Variants in RAB3GAP2 observed in about 807,000 individuals in gnomAD.
The protein encoded by RAB3GAP2 is rab3 GTPase-activating protein non-catalytic subunit.
A neutral mutation model predicts 185.3 loss-of-function variants in RAB3GAP2; 87 were observed. The observed-to-expected ratio is 0.47, with a 90% CI of 0.39 to 0.56. RAB3GAP2 has a LOEUF of 0.56. RAB3GAP2 is among the 20% of genes least tolerant of loss of function. RAB3GAP2 has a pLI of 0.00. For missense variants in RAB3GAP2, 1,492 were observed against 1,638.2 expected (o/e 0.91, Z 1.54); for synonymous variants, 554 against 576.1 (o/e 0.96, Z 0.55).
chr1:220,177,379 C>G (rs1406443455), intron 21 of RAB3GAP2, among the ~76,000 whole-genome samples: 1 of 152,192 alleles, frequency 6.6e-6, no homozygotes, highest in Non-Finnish European at 1.5e-5. Context: ...GACTAAAGTA[C>G]ATACCTAATA....
intron 1 of RAB3GAP2, among the ~76,000 whole-genome samples, chr1:220,237,144 A>T (rs1206602589): frequency 6.6e-6 from 1 of 152,226 alleles, no homozygotes. Context: ...GTATCATGGA[A>T]TTAAGGACAC....
Position 220,205,916 on chromosome 1 carries a change from C to A in RAB3GAP2, c.703G>T (p.Val235Leu). The change falls in exon 8 of 35, where the codon GTA becomes TTA. Residue 235 changes from valine (V) to leucine (L), a missense_variant. Physicochemically the swap from Val to Leu is conservative, Grantham distance 32. Transcript: ENST00000358951. ...CTTGCCAAAATATTACCTTTTGCTA[C>A]CTGATTTCGACAAGCACGAAGAGAT... ...FQSLRACRNQ[V>L]AKAAASGNEN... 6.3e-7 allele frequency: 1 copy of A among 1,599,194 alleles called. No individual in the cohort carries two copies. The highest frequency in any genetic ancestry group is 2.2e-5 in the East Asian group (1 of 44,658).
chr1:220,192,836 G>A (rs1342511664), intron 13 of RAB3GAP2, among the ~76,000 whole-genome samples: 1 of 152,158 alleles, frequency 6.6e-6, no homozygotes, highest in East Asian at 1.9e-4. Flanking sequence ...CCAAGCATAT[G>A]GATATAAAAG....
At chr1:220,260,283 T>C (rs548009627) in intron 1 of RAB3GAP2, among the ~76,000 whole-genome samples, 1 of 151,492 alleles carries the variant, frequency 6.6e-6, no homozygotes, top group African/African-American at 2.4e-5. Context: ...TAAAGATACA[T>C]GCCCACATAT....
At chr1:220,164,246 G>T (rs538863656) in intron 27 of RAB3GAP2, among the ~76,000 whole-genome samples, 6 of 152,114 alleles carry the variant, frequency 3.9e-5, no homozygotes, top group African/African-American at 1.4e-4. Context: ...TTCACTATCT[G>T]TGAAGGGTGT....
chr1:220,195,129 G>C lies in RAB3GAP2; in HGVS notation c.1079C>G (p.Ala360Gly). ...AACCTTCGGCTTTTGCTTTTGGACA[G>C]CTTCTTCTTCGTGCTTACTTTTCCA... The part of the protein sequence containing the change: ...LGWKSKHEEE[A>G]VQKQKPKVEP... Residue 360 changes from alanine (A) to glycine (G), a missense_variant, in exon 12 of 35, where the codon GCT (alanine) becomes GGT (glycine). Transcript: ENST00000358951. The C allele has an allele frequency of 6.2e-7, 1 of 1,614,136 alleles. No individual in the cohort carries two copies. Among genetic ancestry groups the C allele is most frequent in the Non-Finnish European group, 8.5e-7 (1 of 1,180,002 alleles).
chr1:220,272,303 T>G lies in RAB3GAP2; in HGVS notation c.35A>C (p.Gln12Pro). The G allele has an allele frequency of 6.2e-7, 1 of 1,612,100 alleles. No homozygotes were observed. Among genetic ancestry groups the G allele is most frequent in the Middle Eastern group, 1.7e-4 (1 of 6,058 alleles). Residue 12 changes from glutamine (Q) to proline (P), a missense_variant, in exon 1 of 35, where the codon CAG becomes CCG. Physicochemically the swap from Gln to Pro is moderately conservative, Grantham distance 76. This residue lies in a region of RAB3GAP2 where 177 missense variants were observed against 160.6 expected (regional missense o/e 1.10). Transcript: ENST00000358951. ...GAAGTCCCGGGCGGCCTGGAGGTCCTGGAAGTAGCAGAACTGGACAATGGA... is the reference window on the plus strand; with the variant it reads ...GAAGTCCCGGGCGGCCTGGAGGTCCGGGAAGTAGCAGAACTGGACAATGGA... ...ACSIVQFCYF[Q>P]DLQAARDFLF...
intron 2 of RAB3GAP2, among the ~76,000 whole-genome samples, chr1:220,214,491 A>C (rs1315655661): frequency 6.6e-6 from 1 of 151,984 alleles, no homozygotes; most frequent in Non-Finnish European, 1.5e-5. Flanking sequence ...GCACCACTAC[A>C]ATCCAGCTTG....
intron 1 of RAB3GAP2, chr1:220,254,065 C>T: frequency 2.5e-6 from 4 of 1,613,922 alleles, no homozygotes; most frequent in Non-Finnish European, 3.4e-6. Flanking sequence ...ATAGCTAAAA[C>T]CGTGGCTTGT....
chr1:220,220,312 C>T (rs558115593), intron 2 of RAB3GAP2: 24 of 152,396 alleles, frequency 1.6e-4, no homozygotes, highest in African/African-American at 4.6e-4. Context: ...CAGAGAGTCT[C>T]GCTCCTGGAA....
intron 1 of RAB3GAP2, among the ~76,000 whole-genome samples, chr1:220,260,435 G>C (rs938564961): frequency 6.6e-6 from 1 of 152,150 alleles, no homozygotes; most frequent in East Asian, 1.9e-4. Flanking sequence ...ACAAGATTAC[G>C]TCCTTTGCAG....
chr1:220,265,130 T>C (rs1660207484), intron 1 of RAB3GAP2, among the ~76,000 whole-genome samples: 1 of 152,126 alleles, frequency 6.6e-6, no homozygotes, highest in African/African-American at 2.4e-5. Context: ...ATTTTCAGAT[T>C]ATTTTCTCTC....
intron 24 of RAB3GAP2, among the ~76,000 whole-genome samples, chr1:220,168,287 TCGCCATGTTGG>T (rs1452938636): frequency 2.0e-5 from 3 of 152,220 alleles, no homozygotes; most frequent in Non-Finnish European, 2.9e-5. Context: ...AGATGGGGTT[TCGCCATGTTGG>T]CGAGGCTGGT....
intron 1 of RAB3GAP2, among the ~76,000 whole-genome samples, chr1:220,251,254 T>C (rs1276299965): frequency 3.9e-5 from 6 of 152,216 alleles, no homozygotes; most frequent in Non-Finnish European, 7.3e-5. Flanking sequence ...ACAAATGTGA[T>C]ATTTAGATTA....
chr1:220,189,986 T>C (rs751300392), intron 16 of RAB3GAP2, 78 bp downstream of exon 16: 547 of 1,267,212 alleles, frequency 4.3e-4, no homozygotes, highest in Non-Finnish European at 5.3e-4. Context: ...TTATTTTGAT[T>C]GCTCCATTCA....
chr1:220,164,317 AG>A (rs1658022094), intron 27 of RAB3GAP2, among the ~76,000 whole-genome samples: 1 of 152,106 alleles, frequency 6.6e-6, no homozygotes, highest in Admixed American at 6.5e-5. Flanking sequence ...AGCTAGATAC[AG>A]AACAGCTGCC....
chr1:220,195,695 C>T (rs78536292), intron 10 of RAB3GAP2, among the ~76,000 whole-genome samples: 19,749 of 152,108 alleles, frequency 0.13, 1,373 homozygotes, highest in Middle Eastern at 0.19. Context: ...GGATTTCACA[C>T]CTACACATAA....
At position 220,149,415 on chromosome 1, in the gene RAB3GAP2, C is replaced by T. The variant is rs1444549429; in HGVS notation, c.*1836G>A. The T allele has an allele frequency of 3.3e-5, 5 of 152,248 alleles. No homozygotes were observed. Among genetic ancestry groups the T allele is most frequent in the South Asian group, 2.1e-4 (1 of 4,830 alleles). The allele number at this position is 152,248 out of a possible 1,614,324, so 9.4% of individuals were successfully genotyped here. ...AAATGCTTAATAAGTGCCCCCTCCC[C>T]GCCAAGTGATGATGGAATTGAGGAT... On this transcript the variant is annotated 3_prime_UTR_variant, in exon 35 of 35. Transcript: ENST00000358951.
intron 31 of RAB3GAP2, among the ~76,000 whole-genome samples, chr1:220,156,447 G>C (rs1279065900): frequency 6.6e-6 from 1 of 152,136 alleles, no homozygotes; most frequent in African/African-American, 2.4e-5. Flanking sequence ...CAGCTAAACT[G>C]TGAAGGTTAC....
Sources: allele counts gnomAD v4.1 joint callset (sites outside exome capture counted in the v4.1 genomes callset), GRCh38; gene constraint gnomAD v4.1.1; regional missense constraint gnomAD v4.1.1; transcripts MANE v1.5; gene names NCBI Gene and HGNC (gene_info 2026-07-23, HGNC 2026-07-21).